Variants in MGST1 observed in about 807,000 individuals in gnomAD.
MGST1 encodes glutathione S-transferase 12.
A neutral mutation model predicts 8.9 loss-of-function variants in MGST1; 5 were observed. The ratio of observed to expected loss-of-function variants is 0.56; its 90% CI spans 0.29 to 1.19. The LOEUF (loss-of-function observed/expected upper bound fraction) is 1.19. Among genes scored for constraint, MGST1 ranks in the 50% most tolerant of loss-of-function variants. The probability of loss-of-function intolerance (pLI) is 0.08; values close to 1 mark genes in which losing one functional copy is unlikely to be tolerated. For missense variants in MGST1, 182 were observed against 187.4 expected (o/e 0.97, Z 0.17); for synonymous variants, 54 against 67.8 (o/e 0.80, Z 1.00).
intron 1 of MGST1, among the ~76,000 whole-genome samples, chr12:16,414,452 G>T (rs1235647810): frequency 1.5e-5 from 2 of 132,008 alleles, no homozygotes; most frequent in Non-Finnish European, 3.1e-5. Flanking sequence ...GTCTTGCTCT[G>T]TTGCCCAGGC....
At chr12:16,387,811 C>T (rs7313905) in intron 1 of MGST1, among the ~76,000 whole-genome samples, 62,689 of 151,946 alleles carry the variant, frequency 0.41, 13,702 homozygotes, top group East Asian at 0.57. Flanking sequence ...AGGCGTGAGC[C>T]GCCGCACCCT....
At chr12:16,492,687 C>T (rs1941447495) in intron 4 of MGST1, among the ~76,000 whole-genome samples, 2 of 152,092 alleles carry the variant, frequency 1.3e-5, no homozygotes, top group Non-Finnish European at 2.9e-5. Context: ...CATAGCTAGA[C>T]TATCACTAAA....
At chr12:16,473,533 A>ATT (rs138768692) in intron 4 of MGST1, among the ~76,000 whole-genome samples, 74 of 152,242 alleles carry the variant, frequency 4.9e-4, no homozygotes, top group African/African-American at 1.8e-3. Context: ...TCTAATAGCC[A>ATT]TTTTTTTGTT....
intron 1 of MGST1, among the ~76,000 whole-genome samples, chr12:16,420,777 C>T (rs2137083624): frequency 6.6e-6 from 1 of 152,314 alleles, no homozygotes; most frequent in Middle Eastern, 3.4e-3. Flanking sequence ...GAGGACTCAA[C>T]TGAGCACCTT....
At chr12:16,353,508 C>T (rs1165429532) in intron 1 of MGST1, 2 of 152,238 alleles carry the variant, frequency 1.3e-5, no homozygotes, top group African/African-American at 4.8e-5. Flanking sequence ...AGAACTGAGG[C>T]CTTCCTAAGT....
chr12:16,364,259 T>A lies in MGST1; in HGVS notation c.*218T>A. On this transcript the variant is annotated 3_prime_UTR_variant, in exon 4 of 4. Coordinates refer to ENST00000396210, the MANE Select transcript of MGST1 (RefSeq NM_020300.5). The surrounding 1 kb of genome is among the most constrained non-coding windows in gnomAD (Gnocchi z 5.7). ...TAATTCTTAAGTCTTTTGTCTGATT[T>A]TTAAAGTACTTTCTTATAAATTTGG... 9.0e-6 allele frequency: 11 copies of A among 1,226,534 alleles called. No individual in the cohort carries two copies. The highest frequency in any genetic ancestry group is 1.1e-5 in the Non-Finnish European group (11 of 980,498). The allele number at this position is 1,226,534 out of a possible 1,614,324, so 76.0% of individuals were successfully genotyped here. A position where few individuals can be genotyped will look rare whatever the true frequency, so the allele number is the denominator to read the frequency against.
In MGST1 at chr12:16,544,045, A is replaced by G. The variant is rs1941807569; in HGVS notation, n.483-45483A>G. On this transcript the variant is annotated intron_variant and non_coding_transcript_variant, in intron 4 of 4. Transcript: ENST00000538857. This position sits in a 1 kb window ranked among gnomAD's most constrained non-coding sequence, Gnocchi z 4.8. ...AGGTGATTTCTTATACTGCTGCTTT[A>G]TACACATTTGTTTGGTCGCTGCAGT... Among the ~76,000 whole-genome samples, 1 of 152,050 alleles carries G rather than the reference A, an allele frequency of 6.6e-6. No individual in the cohort carries two copies. Among genetic ancestry groups the G allele is most frequent in the Non-Finnish European group, 1.5e-5 (1 of 67,964 alleles).
intron 1 of MGST1, among the ~76,000 whole-genome samples, chr12:16,392,082 A>G (rs1431619289): frequency 2.0e-5 from 3 of 152,078 alleles, no homozygotes; most frequent in Non-Finnish European, 4.4e-5. Flanking sequence ...TGGGCTCTCT[A>G]TTCTGTTCCA....
At chr12:16,350,224 A>C (rs1287705480) in intron 1 of MGST1, among the ~76,000 whole-genome samples, 1 of 151,930 alleles carries the variant, frequency 6.6e-6, no homozygotes, top group Non-Finnish European at 1.5e-5. Context: ...AATACTTGAC[A>C]CTCTACCCCA....
At chr12:16,465,398 A>C (rs544206623) in intron 4 of MGST1, among the ~76,000 whole-genome samples, 1 of 152,278 alleles carries the variant, frequency 6.6e-6, no homozygotes, top group African/African-American at 2.4e-5. Context: ...GAGGTCCCCA[A>C]ATCCCGGCCA....
At chr12:16,416,757 A>G (rs1248654016) in intron 1 of MGST1, among the ~76,000 whole-genome samples, 1 of 152,204 alleles carries the variant, frequency 6.6e-6, no homozygotes, top group Non-Finnish European at 1.5e-5. Context: ...GAGGGTGTAT[A>G]TGTAAAAAAA....
At position 16,513,997 on chromosome 12, in the gene MGST1, C is replaced by G; in HGVS notation, n.483-75531C>G. ...CATTTCAAAAACACCAGAGCAAAGT[C>G]TTCTTCTTCTGCATGCTTGCTCCCA... On this transcript the variant is annotated intron_variant and non_coding_transcript_variant, in intron 4 of 4. Transcript: ENST00000538857. The surrounding 1 kb of genome is among the most constrained non-coding windows in gnomAD (Gnocchi z 4.2). 2.3e-6 allele frequency: 1 copy of G among 439,786 alleles called. No individual in the cohort carries two copies. The highest frequency in any genetic ancestry group is 4.5e-6 in the Non-Finnish European group (1 of 224,242). 27.2% of individuals were successfully genotyped at this position (439,786 alleles called of 1,614,324 possible).
At chr12:16,416,637 A>G (rs1040986079) in intron 1 of MGST1, among the ~76,000 whole-genome samples, 5 of 152,126 alleles carry the variant, frequency 3.3e-5, no homozygotes, top group East Asian at 1.9e-4. Flanking sequence ...ATTACCTCCC[A>G]AAGGCCCCAT....
At chr12:16,400,499 C>T (rs1208148972) in intron 1 of MGST1, 3 of 810,028 alleles carry the variant, frequency 3.7e-6, no homozygotes, top group Non-Finnish European at 6.7e-6. Flanking sequence ...TTTACAATGC[C>T]CTCCTTCTCT....
chr12:16,513,711 A>G lies in MGST1; in HGVS notation n.483-75817A>G, dbSNP rs572970473. On this transcript the variant is annotated intron_variant and non_coding_transcript_variant, in intron 4 of 4. Coordinates refer to the MGST1 transcript ENST00000538857. This position sits in a 1 kb window ranked among gnomAD's most constrained non-coding sequence, Gnocchi z 4.2. Reference sequence around the variant, plus strand: ...TGGCTGAATTTTGCAAGGCATCTGCAGAAGTAGCCTTGGGCGAGAATAGCG... The same window carrying G: ...TGGCTGAATTTTGCAAGGCATCTGCGGAAGTAGCCTTGGGCGAGAATAGCG... 3.6e-6 allele frequency: 2 copies of G among 557,008 alleles called. No homozygotes were observed. The highest frequency in any genetic ancestry group is 9.3e-5 in the East Asian group (2 of 21,476). 34.5% of individuals were successfully genotyped at this position (557,008 alleles called of 1,614,324 possible).
At chr12:16,367,281 A>G (rs1330514197), downstream of MGST1, 1 of 152,144 alleles carries the variant, frequency 6.6e-6, no homozygotes, top group Admixed American at 6.5e-5. Context: ...ATTAATGTCA[A>G]ATAGACGAGT....
chr12:16,437,396 G>A (rs1316858759), exon 2 of MGST1: 7 of 151,930 alleles, frequency 4.6e-5, no homozygotes, highest in Non-Finnish European at 7.4e-5. Context: ...AGGTCTAGTG[G>A]CACTTGAATC....
At chr12:16,426,931 A>G (rs1940895515) in intron 1 of MGST1, among the ~76,000 whole-genome samples, 1 of 148,992 alleles carries the variant, frequency 6.7e-6, no homozygotes, top group Non-Finnish European at 1.5e-5. Context: ...AGATCACACC[A>G]CTGCCTCCAT....
At chr12:16,420,419 G>T (rs932101663) in intron 1 of MGST1, among the ~76,000 whole-genome samples, 2 of 152,164 alleles carry the variant, frequency 1.3e-5, no homozygotes, top group African/African-American at 4.8e-5. Flanking sequence ...ATGTTCATTT[G>T]TTCACGTGTT....
Sources: gnomAD v4.1 joint callset for allele counts (sites outside exome capture counted in the v4.1 genomes callset) on GRCh38, gnomAD v4.1.1 for gene constraint, Gnocchi (gnomAD v3.1) non-coding constraint, MANE v1.5 for transcripts, NCBI Gene and HGNC (gene_info 2026-07-23, HGNC 2026-07-21) for gene names.